Variants in FAM13B observed in about 807,000 individuals in gnomAD.
FAM13B encodes protein FAM13B.
A neutral mutation model predicts 117.3 loss-of-function variants in FAM13B; 60 were observed. The ratio of observed to expected loss-of-function variants is 0.51; its 90% CI spans 0.42 to 0.63. FAM13B has a LOEUF of 0.63. FAM13B is among the 30% of genes least tolerant of loss of function. FAM13B has a pLI of 0.00. For synonymous variants in FAM13B, 332 were observed against 356.1 expected, an observed-to-expected ratio of 0.93 and a Z score of 0.76; for missense variants, 972 against 1,091.9, an observed-to-expected ratio of 0.89 and a Z score of 1.55.
At chr5:138,033,189 C>T (rs1323222890), upstream of FAM13B, 2 of 414,090 alleles carry the variant, frequency 4.8e-6, no homozygotes, top group East Asian at 1.6e-4. Context: ...CGGGCAGCGG[C>T]CCTGTGTCCT....
At chr5:137,991,794 T>C (rs1778661561) in intron 7 of FAM13B, among the ~76,000 whole-genome samples, 1 of 152,180 alleles carries the variant, frequency 6.6e-6, no homozygotes, top group Non-Finnish European at 1.5e-5. Flanking sequence ...ATTGTAGATC[T>C]AAACATGAAA....
intron 1 of FAM13B, among the ~76,000 whole-genome samples, chr5:138,031,700 A>AT (rs1790079695): frequency 6.6e-6 from 1 of 151,950 alleles, no homozygotes; most frequent in South Asian, 2.1e-4. Flanking sequence ...AAAAAAAAAA[A>AT]GTAAGAAGGC....
chr5:137,965,419 A>C (rs1399957526), intron 10 of FAM13B, among the ~76,000 whole-genome samples: 3 of 152,204 alleles, frequency 2.0e-5, no homozygotes, highest in Admixed American at 2.0e-4. Flanking sequence ...GATTACTGCC[A>C]AGAGTTAATT....
intron 2 of FAM13B, among the ~76,000 whole-genome samples, 186 bp from the exon 3 acceptor site, chr5:138,019,332 C>T (rs983105354): frequency 1.3e-5 from 2 of 152,172 alleles, no homozygotes; most frequent in African/African-American, 2.4e-5. Context: ...TTCCCTATTA[C>T]GAAGAGTTAG....
chr5:137,969,247 C>A (rs931333336), intron 10 of FAM13B, among the ~76,000 whole-genome samples: 1 of 152,208 alleles, frequency 6.6e-6, no homozygotes, highest in Non-Finnish European at 1.5e-5. Context: ...GTTCTCCCAG[C>A]ACGCAGCTGG....
chr5:138,050,331 G>T (rs1042854295), intron 1 of FAM13B, among the ~76,000 whole-genome samples: 7 of 152,168 alleles, frequency 4.6e-5, no homozygotes, highest in African/African-American at 1.7e-4. Context: ...CAGCTACTTG[G>T]GAGGCTGAGG....
At chr5:138,007,865 A>G (rs1782940733) in intron 6 of FAM13B, among the ~76,000 whole-genome samples, 1 of 152,234 alleles carries the variant, frequency 6.6e-6, no homozygotes, top group African/African-American at 2.4e-5. Flanking sequence ...AGTTATCCCA[A>G]AGAAGAAACT....
intron 10 of FAM13B, among the ~76,000 whole-genome samples, chr5:137,975,030 T>C (rs532664326): frequency 1.3e-5 from 2 of 152,320 alleles, no homozygotes; most frequent in Admixed American, 6.5e-5. Context: ...CATGCTACAA[T>C]AGCAGAGTTA....
At chr5:137,968,887 C>G (rs1771021725) in intron 10 of FAM13B, among the ~76,000 whole-genome samples, 1 of 152,204 alleles carries the variant, frequency 6.6e-6, no homozygotes, top group African/African-American at 2.4e-5. Context: ...CACCTGAATA[C>G]TACGCTTTTC....
chr5:137,946,699 C>T (rs545905515), intron 18 of FAM13B, among the ~76,000 whole-genome samples: 4 of 152,352 alleles, frequency 2.6e-5, no homozygotes, highest in East Asian at 1.9e-4. Context: ...ATTTGCAACA[C>T]TGCCTACCTA....
At chr5:137,966,486 T>TAGAGAGAG (rs1244578551) in intron 10 of FAM13B, among the ~76,000 whole-genome samples, 536 of 43,910 alleles carry the variant, frequency 0.012, 1 homozygote, top group Non-Finnish European at 0.016. Context: ...TATATATATA[T>TAGAGAGAG]ATAGAGAGAG....
chr5:137,988,145 TA>T, intron 8 of FAM13B, 128 bp downstream of exon 8: 1 of 569,646 alleles, frequency 1.8e-6, no homozygotes, highest in South Asian at 3.2e-5. Context: ...TCACAGTACA[TA>T]AAAAACTAGT....
At chr5:137,979,523 C>T (rs1404410339) in intron 10 of FAM13B, among the ~76,000 whole-genome samples, 1 of 152,124 alleles carries the variant, frequency 6.6e-6, no homozygotes, top group African/African-American at 2.4e-5. Context: ...GATAGTATTC[C>T]AGGCTCTACG....
intron 1 of FAM13B, among the ~76,000 whole-genome samples, chr5:138,024,794 T>C (rs1404868336): frequency 1.5e-5 from 2 of 135,840 alleles, no homozygotes; most frequent in African/African-American, 5.7e-5. Context: ...GCAAAATTTA[T>C]ACACACACAC....
At chr5:137,972,853 T>C (rs2150411863) in intron 10 of FAM13B, among the ~76,000 whole-genome samples, 1 of 152,138 alleles carries the variant, frequency 6.6e-6, no homozygotes, top group South Asian at 2.1e-4. Flanking sequence ...GAACTCCCAT[T>C]CACAATTGCT....
intron 7 of FAM13B, among the ~76,000 whole-genome samples, chr5:137,994,397 T>A (rs1779356329): frequency 6.6e-6 from 1 of 152,246 alleles, no homozygotes; most frequent in African/African-American, 2.4e-5. Flanking sequence ...CAGATTTTAA[T>A]TATTCTTTAT....
chr5:138,032,666 A>C (rs1157758385), intron 1 of FAM13B, 116 bp downstream of exon 1: 1 of 950,188 alleles, frequency 1.1e-6, no homozygotes, highest in Admixed American at 6.2e-5. Flanking sequence ...CCCGAAACGC[A>C]ACGCCCGAGA....
At chr5:137,988,164 C>G in intron 8 of FAM13B, 110 bp downstream of exon 8, 2 of 729,476 alleles carry the variant, frequency 2.7e-6, no homozygotes, top group South Asian at 4.7e-5. Context: ...AGTTTACTGC[C>G]TGTGTACAGT....
intron 7 of FAM13B, among the ~76,000 whole-genome samples, chr5:138,004,182 T>C (rs1218673776): frequency 6.6e-6 from 1 of 151,588 alleles, no homozygotes; most frequent in Non-Finnish European, 1.5e-5. Context: ...GGCCAGAGAA[T>C]CGCTTGAACT....
Sources: allele counts gnomAD v4.1 joint callset (sites outside exome capture counted in the v4.1 genomes callset), GRCh38; gene constraint gnomAD v4.1.1; transcripts MANE v1.5; gene names NCBI Gene and HGNC (gene_info 2026-07-23, HGNC 2026-07-21).